The following MAPK6 variants were observed in gnomAD, a reference collection of about 807,000 sequenced individuals.
MAPK6 encodes the protein mitogen-activated protein kinase 6.
MAPK6 carries 19 observed loss-of-function variants against 59.3 expected under a neutral mutation model. That is an observed-to-expected ratio of 0.32 (90% CI 0.22 to 0.47). The LOEUF (loss-of-function observed/expected upper bound fraction) is 0.47. MAPK6 is among the 20% of genes least tolerant of loss of function. The probability of loss-of-function intolerance (pLI) is 1.00; values close to 1 mark genes in which losing one functional copy is unlikely to be tolerated. For synonymous variants in MAPK6, 316 were observed against 290.3 expected, an observed-to-expected ratio of 1.09 and a Z score of -0.90; for missense variants, 724 against 847.9, an observed-to-expected ratio of 0.85 and a Z score of 1.81.
intron 2 of MAPK6, among the ~76,000 whole-genome samples, chr15:51,997,504 C>T (rs897998341): frequency 6.6e-6 from 1 of 151,856 alleles, no homozygotes. Context: ...GTGATCTACC[C>T]GCCTTGGCCT....
chr15:52,017,536 T>C (rs1281287550), upstream of MAPK6: 1 of 152,596 alleles, frequency 6.6e-6, no homozygotes, highest in Non-Finnish European at 1.5e-5. Context: ...CATCTGGATG[T>C]ATATGTGCAG....
At chr15:52,057,579 T>C (rs1279711384) in intron 3 of MAPK6, among the ~76,000 whole-genome samples, 1 of 151,420 alleles carries the variant, frequency 6.6e-6, no homozygotes, top group East Asian at 1.9e-4. Flanking sequence ...AAATGTCTTA[T>C]TGTTGCCCAG....
In MAPK6 at chr15:52,065,031, T is replaced by C. The variant is rs1254694603; in HGVS notation, c.*31T>C. 2 of 1,535,946 alleles carry C rather than the reference T, an allele frequency of 1.3e-6. No homozygotes were observed. The highest frequency in any genetic ancestry group is 1.8e-6 in the Non-Finnish European group (2 of 1,139,310). ...TCAGCAGACATTTATCTTTGTATTC[T>C]TCATGAAATGTGTTTTGTCTTTTTT... On this transcript the variant is annotated 3_prime_UTR_variant, in exon 6 of 6. Transcript: ENST00000261845.
At position 52,064,821 on chromosome 15, in the gene MAPK6, A is replaced by T. The variant is rs761816188; in HGVS notation, c.1987A>T (p.Asn663Tyr). The T allele has an allele frequency of 4.3e-6, 7 of 1,611,836 alleles. No homozygotes were observed. The South Asian group carries it at 6.6e-5, about 15-fold the overall frequency. ...GERGHEEGFLNNSGEFLFNKQ... is the reference protein window; with the variant it reads ...GERGHEEGFLYNSGEFLFNKQ... ...GAGAGGACATGAGGAAGGATTTCTG[A>T]ACAACAGTGGGGAGTTCCTCTTTAA... The change falls in exon 6 of 6, where the codon AAC (asparagine) becomes TAC (tyrosine). Residue 663 changes from asparagine (N) to tyrosine (Y), a missense_variant. This residue lies in a region of MAPK6 where 502 missense variants were observed against 507.6 expected (regional missense o/e 0.99). Transcript: ENST00000261845.
chr15:51,992,042 G>C (rs1414547920), intron 2 of MAPK6, among the ~76,000 whole-genome samples: 2 of 149,030 alleles, frequency 1.3e-5, no homozygotes, highest in South Asian at 4.3e-4. Flanking sequence ...CTGCAGCCTC[G>C]ACATCCCAGG....
At chr15:52,003,875 T>C (rs947857623) in intron 2 of MAPK6, among the ~76,000 whole-genome samples, 1 of 152,182 alleles carries the variant, frequency 6.6e-6, no homozygotes, top group Non-Finnish European at 1.5e-5. Context: ...TAAATTGAAG[T>C]TTCATCTTTG....
chr15:51,999,846 G>A (rs1049812337), intron 2 of MAPK6, among the ~76,000 whole-genome samples: 2 of 152,000 alleles, frequency 1.3e-5, no homozygotes, highest in African/African-American at 4.8e-5. Flanking sequence ...GTTTCACCAT[G>A]TTGCCTAGGC....
intron 3 of MAPK6, among the ~76,000 whole-genome samples, chr15:52,007,307 CCTT>C (rs1300931506): frequency 6.6e-6 from 1 of 152,048 alleles, no homozygotes; most frequent in African/African-American, 2.4e-5. Flanking sequence ...CCCTGACCCA[CCTT>C]CTTCAGGGCT....
At chr15:52,019,709 C>CCGCGCCCGCTCCCTGGCCCCG (rs1205974306) in intron 1 of MAPK6, among the ~76,000 whole-genome samples, 2 of 150,168 alleles carry the variant, frequency 1.3e-5, no homozygotes, top group East Asian at 1.9e-4. Flanking sequence ...CCCTGCCAGG[C>CCGCGCCCGCTCCCTGGCCCCG]CGCGCCCGCT....
upstream of MAPK6, among the ~76,000 whole-genome samples, chr15:52,016,070 G>GCGCGTGCACACACA: frequency 1.8e-5 from 1 of 55,392 alleles, no homozygotes; most frequent in Non-Finnish European, 3.4e-5. Context: ...GCGCGCGCGC[G>GCGCGTGCACACACA]CACACACACA....
intron 1 of MAPK6, among the ~76,000 whole-genome samples, chr15:52,030,466 G>A (rs1238962794): frequency 1.3e-5 from 2 of 152,144 alleles, no homozygotes; most frequent in African/African-American, 2.4e-5. Flanking sequence ...AGTGTAACGT[G>A]ATTCTGGACT....
Position 52,045,813 on chromosome 15 carries a change from T to A in MAPK6, c.-631-17T>A, listed in dbSNP as rs1192045981. 2 of 152,632 alleles carry A rather than the reference T, an allele frequency of 1.3e-5. No homozygotes were observed. The highest frequency in any genetic ancestry group is 2.9e-5 in the Non-Finnish European group (2 of 68,036). 9.5% of individuals were successfully genotyped at this position (152,632 alleles called of 1,614,324 possible). On this transcript the variant is annotated splice_polypyrimidine_tract_variant and intron_variant, in intron 1 of 5. Coordinates refer to ENST00000261845, the MANE Select transcript of MAPK6 (RefSeq NM_002748.4). ...TTTCCTGCAATGGTGACTCTCTTCT[T>A]TTTCTCATCCCCCCAGGTTGTATCA...
intron 3 of MAPK6, among the ~76,000 whole-genome samples, chr15:52,054,976 C>G (rs892065396): frequency 1.3e-5 from 2 of 152,172 alleles, no homozygotes; most frequent in African/African-American, 4.8e-5. Context: ...TTAGTAGTTT[C>G]ACCCTTTTGG....
chr15:52,020,771 T>C (rs1479907684), intron 1 of MAPK6, among the ~76,000 whole-genome samples: 1 of 152,272 alleles, frequency 6.6e-6, no homozygotes, highest in African/African-American at 2.4e-5. Flanking sequence ...TAGATAGTAG[T>C]TGTTCAAACA....
chr15:52,020,378 T>C (rs2030479038), intron 1 of MAPK6, among the ~76,000 whole-genome samples: 1 of 152,178 alleles, frequency 6.6e-6, no homozygotes, highest in South Asian at 2.1e-4. Context: ...TGAAAGGGAC[T>C]GGTGAGTTGG....
At chr15:52,037,994 G>C (rs2031299672) in intron 1 of MAPK6, among the ~76,000 whole-genome samples, 1 of 152,122 alleles carries the variant, frequency 6.6e-6, no homozygotes, top group African/African-American at 2.4e-5. Flanking sequence ...TAGAGGTTCT[G>C]AAGAATCACA....
At chr15:52,026,714 C>T (rs554794720) in intron 1 of MAPK6, among the ~76,000 whole-genome samples, 41 of 152,242 alleles carry the variant, frequency 2.7e-4, no homozygotes, top group African/African-American at 9.1e-4. Flanking sequence ...ATGACATTTA[C>T]AAGACTGTAG....
chr15:51,997,277 A>ATTTTTTTTTTTT (rs749427678), intron 2 of MAPK6, among the ~76,000 whole-genome samples: 32 of 140,546 alleles, frequency 2.3e-4, no homozygotes, highest in African/African-American at 8.5e-4. Context: ...GTGCCTAGCA[A>ATTTTTTTTTTTT]TTTTTTTTTT....
chr15:52,025,967 A>G (rs976670079), intron 1 of MAPK6, among the ~76,000 whole-genome samples: 1 of 152,166 alleles, frequency 6.6e-6, no homozygotes, highest in African/African-American at 2.4e-5. Context: ...TTTTTCTAAT[A>G]TGCCCAGATA....
Sources: gnomAD v4.1 joint callset for allele counts (sites outside exome capture counted in the v4.1 genomes callset) on GRCh38, gnomAD v4.1.1 for gene constraint, gnomAD v4.1.1 regional missense constraint, MANE v1.5 for transcripts, NCBI Gene and HGNC (gene_info 2026-07-23, HGNC 2026-07-21) for gene names.